Variants in HMG20B observed in about 807,000 individuals in gnomAD.
The protein encoded by HMG20B is high mobility group 20B.
A neutral mutation model predicts 41.6 loss-of-function variants in HMG20B; 24 were observed. That is an observed-to-expected ratio of 0.58 (90% CI 0.42 to 0.81). The LOEUF (loss-of-function observed/expected upper bound fraction) is 0.81, where lower values mean the gene tolerates loss of function less well. Ranked by LOEUF, HMG20B falls within the 30% of genes least tolerant of loss-of-function variation. HMG20B has a pLI of 0.00. For synonymous variants in HMG20B, 251 were observed against 186.6 expected, an observed-to-expected ratio of 1.34 and a Z score of -2.81; for missense variants, 461 against 444.0, an observed-to-expected ratio of 1.04 and a Z score of -0.34.
At chr19:3,574,091 G>T (rs1251618660) in intron 3 of HMG20B, 2 of 636,260 alleles carry the variant, frequency 3.1e-6, no homozygotes, top group African/African-American at 1.9e-5. Flanking sequence ...TTCTCCAGCA[G>T]AAAACCACGC....
intron 8 of HMG20B, 135 bp downstream of exon 8, chr19:3,577,242 G>GC: frequency 4.6e-6 from 3 of 648,678 alleles, no homozygotes; most frequent in South Asian, 2.0e-5. Flanking sequence ...CAGTCACCCG[G>GC]CCCCGCCTAT....
chr19:3,578,198 C>T, intron 9 of HMG20B, 85 bp downstream of exon 9: 1 of 1,528,958 alleles, frequency 6.5e-7, no homozygotes, highest in Non-Finnish European at 8.8e-7. Context: ...GCGAGGGCTG[C>T]TGGGTGGGAC....
intron 7 of HMG20B, 92 bp downstream of exon 7, chr19:3,576,717 G>C (rs779243790): frequency 7.6e-7 from 1 of 1,312,444 alleles, no homozygotes; most frequent in Non-Finnish European, 1.1e-6. Context: ...TGCAGGAGGC[G>C]GATCGGGAGG....
At position 3,574,383 on chromosome 19, in the gene HMG20B, C is replaced by G. The variant is rs771835781; in HGVS notation, c.148C>G (p.Pro50Ala). ...CCAACGACGCAGCCCGGTTCTGCAG[C>G]CGGTGAAGAAACGCGGCTGGCCCAA... Reference protein sequence around the residue: ...AGEKGSHEEEPVKKRGWPKGK... With the variant: ...AGEKGSHEEEAVKKRGWPKGK... Residue 50 changes from proline to alanine, a missense_variant and splice_region_variant, in exon 4 of 10, where the codon CCG becomes GCG. This residue lies in a region of HMG20B where 104 missense variants were observed against 76.5 expected (regional missense o/e 1.36). Coordinates refer to ENST00000333651, the MANE Select transcript of HMG20B (RefSeq NM_006339.3). The G allele has an allele frequency of 6.3e-7, 1 of 1,582,828 alleles. No homozygotes were observed. Among genetic ancestry groups the G allele is most frequent in the South Asian group, 1.2e-5 (1 of 86,844 alleles).
At chr19:3,575,780 C>T (rs546422020) in intron 5 of HMG20B, 120 bp downstream of exon 5, 4 of 815,462 alleles carry the variant, frequency 4.9e-6, no homozygotes, top group East Asian at 2.9e-5. Context: ...TCCCCCTCTA[C>T]TAAAAATACA....
chr19:3,577,196 CG>C (rs2032186753), intron 8 of HMG20B, 89 bp downstream of exon 8: 3 of 957,190 alleles, frequency 3.1e-6, no homozygotes, highest in Non-Finnish European at 4.4e-6. Flanking sequence ...CTTCCCCTGT[CG>C]CCCGGCGCCG....
intron 7 of HMG20B, 91 bp downstream of exon 7, chr19:3,576,716 C>G: frequency 7.5e-7 from 1 of 1,327,190 alleles, no homozygotes; most frequent in Non-Finnish European, 1.1e-6. Flanking sequence ...CTGCAGGAGG[C>G]GGATCGGGAG....
intron 3 of HMG20B, 68 bp from the exon 4 acceptor site, chr19:3,574,315 C>G: frequency 1.4e-6 from 2 of 1,407,246 alleles, no homozygotes; most frequent in Non-Finnish European, 2.0e-6. Context: ...TAGGCCCCGC[C>G]CATGCCCCTC....
intron 7 of HMG20B, 50 bp downstream of exon 7, chr19:3,576,675 G>A (rs923002738): frequency 3.2e-6 from 5 of 1,543,552 alleles, no homozygotes; most frequent in Non-Finnish European, 4.4e-6. Context: ...CTGGGTGGTA[G>A]AGGGGGGCGT....
At chr19:3,573,064 G>A (rs1599852972) in intron 1 of HMG20B, 70 bp downstream of exon 1, 1 of 465,542 alleles carries the variant, frequency 2.1e-6, no homozygotes, top group East Asian at 3.6e-5. Flanking sequence ...GCCGGGCCGG[G>A]GTCTTTCCTG....
intron 5 of HMG20B, 99 bp downstream of exon 5, chr19:3,575,759 T>C (rs1223803722): frequency 1.4e-5 from 14 of 991,380 alleles, no homozygotes; most frequent in Non-Finnish European, 1.9e-5. Context: ...CTGGCCAACA[T>C]AGTGAAACCC....
chr19:3,578,464 A>T, intron 9 of HMG20B, 45 bp from the exon 10 acceptor site: 1 of 1,489,838 alleles, frequency 6.7e-7, no homozygotes, highest in Non-Finnish European at 8.9e-7. Context: ...GGTGGGGGCC[A>T]GAGATGATGA....
chr19:3,574,239 C>T lies in HMG20B; in HGVS notation c.148-144C>T. The T allele has an allele frequency of 4.0e-6, 3 of 745,364 alleles. No homozygotes were observed. In the South Asian group the frequency reaches 5.2e-5, roughly 13 times the overall value. 46.2% of individuals were successfully genotyped at this position (745,364 alleles called of 1,614,324 possible). A position where few individuals can be genotyped will look rare whatever the true frequency, so the allele number is the denominator to read the frequency against. ...CCGTGTCCCGACTGCTGACCGGGCC[C>T]TACCTCCATCTTTTCCGGGTTCTTC... On this transcript the variant is annotated intron_variant, in intron 3 of 9. Transcript: ENST00000333651.
At position 3,578,690 on chromosome 19, in the gene HMG20B, CAATCTCCCCAGCCCCCTGAACCCGGAAA is replaced by C. The variant is rs772148872; in HGVS notation, c.*172_*199del. 1.6e-5 allele frequency: 14 copies of C among 892,832 alleles called. No individual in the cohort carries two copies. The highest frequency in any genetic ancestry group is 4.2e-5 in the South Asian group (3 of 70,686). The allele number at this position is 892,832 out of a possible 1,614,324, so 55.3% of individuals were successfully genotyped here. ...ATTTCTGCAGCATCCCTTTAGCTTT[CAATCTCCCCAGCCCCCTGAACCCGGAAA>C]AAGCACTCGCTGCGCGATACACCCA... On this transcript the variant is annotated 3_prime_UTR_variant, in exon 10 of 10. Coordinates refer to ENST00000333651, the MANE Select transcript of HMG20B (RefSeq NM_006339.3).
At chr19:3,575,943 CAA>C (rs71166913) in intron 5 of HMG20B, 18,371 of 286,042 alleles carry the variant, frequency 0.064, 1 homozygote, top group East Asian at 0.15. Flanking sequence ...GACTCCGTCT[CAA>C]AAAAAAAAAA....
Position 3,575,964 on chromosome 19 carries a change from AAG to A in HMG20B, c.473-295_473-294del, listed in dbSNP as rs1231530524. ...GTCTCAAAAAAAAAAAAAAAAGAAA[AAG>A]AAAAATGAAAGGTGGGAGGGGCCGG... On this transcript the variant is annotated intron_variant, in intron 5 of 9. Coordinates refer to ENST00000333651, the MANE Select transcript of HMG20B (RefSeq NM_006339.3). 37 of 495,764 alleles carry A rather than the reference AAG, an allele frequency of 7.5e-5. 1 individual carries two copies. Among genetic ancestry groups the A allele is most frequent in the Admixed American group, 3.6e-5 (1 of 27,790 alleles). 30.7% of individuals were successfully genotyped at this position (495,764 alleles called of 1,614,324 possible). A position where few individuals can be genotyped will look rare whatever the true frequency, so the allele number is the denominator to read the frequency against.
At position 3,578,052 on chromosome 19, in the gene HMG20B, G is replaced by C. The variant is rs374793750; in HGVS notation, c.880G>C (p.Asp294His). Reference protein sequence around the residue: ...MARLHGAIERDPAQHEKLIVR... With the variant: ...MARLHGAIERHPAQHEKLIVR... ...CCGGCTTCACGGAGCCATCGAGCGC[G>C]ACCCCGCCCAGCACGAGAAGCTCAT... is the stretch of plus-strand genomic sequence containing the variant. Residue 294 changes from aspartate to histidine, a missense_variant, in exon 9 of 10, where the codon GAC (aspartate) becomes CAC (histidine). By Grantham distance (81) the Asp-to-His change is moderately conservative (BLOSUM62 -1). This residue lies in a region of HMG20B where 308 missense variants were observed against 283.4 expected (regional missense o/e 1.09). Coordinates refer to ENST00000333651, the MANE Select transcript of HMG20B (RefSeq NM_006339.3). 51 of 1,610,936 alleles carry C rather than the reference G, an allele frequency of 3.2e-5. No homozygotes were observed. The South Asian group carries it at 5.1e-4, about 16-fold the overall frequency.
intron 4 of HMG20B, among the ~76,000 whole-genome samples, chr19:3,574,828 C>T (rs767595700): frequency 1.3e-5 from 2 of 151,928 alleles, no homozygotes; most frequent in African/African-American, 4.8e-5. Context: ...AAGCAATTCT[C>T]CTGTCTCAGC....
At chr19:3,577,220 T>G (rs1207836195) in intron 8 of HMG20B, 113 bp downstream of exon 8, 3 of 704,398 alleles carry the variant, frequency 4.3e-6, no homozygotes, top group Admixed American at 3.7e-5. Context: ...CATCGCCCCG[T>G]CCCCTCTTCC....
Sources: gnomAD v4.1 joint callset for allele counts (sites outside exome capture counted in the v4.1 genomes callset) on GRCh38, gnomAD v4.1.1 for gene constraint, gnomAD v4.1.1 regional missense constraint, MANE v1.5 for transcripts, NCBI Gene and HGNC (gene_info 2026-07-23, HGNC 2026-07-21) for gene names.